GLT8D1: variants seen among roughly 807,000 people sequenced by gnomAD.
GLT8D1 encodes glycosyltransferase 8 domain-containing protein 1.
Under a neutral mutation model 46.2 loss-of-function variants are expected in GLT8D1, and 41 were observed. That is an observed-to-expected ratio of 0.89 (90% confidence interval 0.69 to 1.15). GLT8D1 has a LOEUF of 1.15. GLT8D1 is among the 50% of genes most tolerant of loss of function. The pLI is 0.00. For missense variants in GLT8D1, 408 were observed against 449.3 expected (o/e 0.91, Z 0.83); for synonymous variants, 150 against 154.2 (o/e 0.97, Z 0.20).
chr3:52,702,108 T>A (rs1315926479), intron 1 of GLT8D1, among the ~76,000 whole-genome samples: 1 of 152,142 alleles, frequency 6.6e-6, no homozygotes, highest in Non-Finnish European at 1.5e-5. Context: ...CAAGCAAGCC[T>A]CCTGCCTCAG....
intron 3 of GLT8D1, among the ~76,000 whole-genome samples, chr3:52,698,337 G>A (rs1264478804): frequency 6.6e-6 from 1 of 152,210 alleles, no homozygotes; most frequent in East Asian, 1.9e-4. Flanking sequence ...GAAACCAATT[G>A]AGTGAGTCAC....
intron 1 of GLT8D1, chr3:52,703,438 A>AG: frequency 6.6e-6 from 1 of 151,954 alleles, no homozygotes; most frequent in East Asian, 1.9e-4. Flanking sequence ...AAAAAAAAAA[A>AG]AAAAGAGAAG....
At chr3:52,695,808 C>T (rs2097332728) in intron 7 of GLT8D1, 120 bp downstream of exon 7, 1 of 679,884 alleles carries the variant, frequency 1.5e-6, no homozygotes, top group Admixed American at 2.8e-5. Context: ...GAAAAGCAGG[C>T]TTGAGTTTTG....
chr3:52,696,784 G>T (rs1445267784), intron 4 of GLT8D1, 125 bp from the exon 5 acceptor site: 1 of 630,472 alleles, frequency 1.6e-6, no homozygotes, highest in African/African-American at 1.8e-5. Flanking sequence ...CTGAGCTTTG[G>T]TTTCCTCGTC....
intron 4 of GLT8D1, 50 bp downstream of exon 4, chr3:52,697,671 G>T: frequency 1.6e-6 from 2 of 1,231,984 alleles, no homozygotes; most frequent in South Asian, 2.4e-5. Context: ...TTGGCAGCTG[G>T]CCTGCTCTAA....
chr3:52,700,267 A>G lies in GLT8D1; in HGVS notation c.110T>C (p.Val37Ala), dbSNP rs1302452575. 3.7e-6 allele frequency: 6 copies of G among 1,605,314 alleles called. No individual in the cohort carries two copies. Among genetic ancestry groups the G allele is most frequent in the Non-Finnish European group, 5.1e-6 (6 of 1,172,878 alleles). The change falls in exon 3 of 10, where the codon GTT (valine) becomes GCT (alanine). Residue 37 changes from valine (V) to alanine (A), a missense_variant. By Grantham distance (64) the Val-to-Ala change is moderately conservative (BLOSUM62 0). Transcript: ENST00000266014. ...ATTAATAAGTGCTCGCATACCTGTAACCTCATTCCTTAACAAACTGCTCAA... is the reference window on the plus strand; with the variant it reads ...ATTAATAAGTGCTCGCATACCTGTAGCCTCATTCCTTAACAAACTGCTCAA... ...LSLSSLLRNE[V>A]TDSGIVGPQP...
At position 52,696,080 on chromosome 3, in the gene GLT8D1, C is replaced by T; in HGVS notation, c.533-40G>A. 2.2e-6 allele frequency: 3 copies of T among 1,375,036 alleles called. No individual in the cohort carries two copies. In the South Asian group the frequency reaches 3.5e-5, roughly 16 times the overall value. 85.2% of individuals were successfully genotyped at this position (1,375,036 alleles called of 1,614,324 possible). A position where few individuals can be genotyped will look rare whatever the true frequency, so the allele number is the denominator to read the frequency against. Reference sequence around the variant, plus strand: ...ATGTTAAGATTTACATTTCCGTTGCCTTGAGAGTTCCCTGTTACTCCCACT... The same window carrying T: ...ATGTTAAGATTTACATTTCCGTTGCTTTGAGAGTTCCCTGTTACTCCCACT... On this transcript the variant is annotated intron_variant, in intron 6 of 9. Coordinates refer to ENST00000266014, the MANE Select transcript of GLT8D1 (RefSeq NM_018446.4).
At chr3:52,697,973 G>T in intron 3 of GLT8D1, 39 bp from the exon 4 acceptor site, 1 of 1,263,038 alleles carries the variant, frequency 7.9e-7, no homozygotes, top group Non-Finnish European at 1.2e-6. Flanking sequence ...ACAATCTCAT[G>T]GGCTTTTGAT....
At chr3:52,696,428 T>C (rs562133054) in intron 5 of GLT8D1, 110 bp from the exon 6 acceptor site, 3 of 1,020,878 alleles carry the variant, frequency 2.9e-6, no homozygotes, top group Admixed American at 3.5e-5. Context: ...AAAGGACTCT[T>C]AGAACCACCC....
chr3:52,696,194 T>A (rs770318494), intron 6 of GLT8D1, 40 bp downstream of exon 6: 1 of 1,356,898 alleles, frequency 7.4e-7, no homozygotes, highest in Non-Finnish European at 1.1e-6. Flanking sequence ...TTGTACCCAA[T>A]CTGGGTGGAG....
At chr3:52,700,222 G>T in intron 3 of GLT8D1, 40 bp downstream of exon 3, 1 of 1,254,464 alleles carries the variant, frequency 8.0e-7, no homozygotes, top group Non-Finnish European at 1.2e-6. Flanking sequence ...TACCAGGTCC[G>T]CAACAGATTC....
Position 52,695,171 on chromosome 3 carries a change from A to C in GLT8D1, c.925+19T>G. The C allele has an allele frequency of 1.9e-6, 3 of 1,554,534 alleles. No individual in the cohort carries two copies. Among genetic ancestry groups the C allele is most frequent in the Non-Finnish European group, 2.7e-6 (3 of 1,126,556 alleles). On this transcript the variant is annotated intron_variant, in intron 9 of 9. Coordinates refer to ENST00000266014, the MANE Select transcript of GLT8D1 (RefSeq NM_018446.4). Reference sequence around the variant, plus strand: ...TACCAATTCTTTACTAGCTTATGCCACTGGTTAATTCTACTTACCAAGGTG... The same window carrying C: ...TACCAATTCTTTACTAGCTTATGCCCCTGGTTAATTCTACTTACCAAGGTG...
At chr3:52,700,562 C>A in intron 1 of GLT8D1, 66 bp from the exon 2 acceptor site, 3 of 657,546 alleles carry the variant, frequency 4.6e-6, no homozygotes, top group Non-Finnish European at 2.6e-6. Flanking sequence ...AATGCCCTAA[C>A]ACTTTTTTTT....
chr3:52,699,370 C>T (rs915711975), intron 3 of GLT8D1, among the ~76,000 whole-genome samples: 2 of 152,020 alleles, frequency 1.3e-5, no homozygotes, highest in South Asian at 2.1e-4. Flanking sequence ...CTGCAACCTC[C>T]GCCTCCTGGG....
chr3:52,699,580 A>G (rs1466823744), intron 3 of GLT8D1, among the ~76,000 whole-genome samples: 2 of 152,040 alleles, frequency 1.3e-5, no homozygotes, highest in African/African-American at 4.8e-5. Flanking sequence ...ACCTTGTGAG[A>G]CGCCCACCTT....
At position 52,705,579 on chromosome 3, in the gene GLT8D1, G is replaced by A. The variant is rs1167990936; in HGVS notation, c.-169C>T. ...GCCGCCCTTACTGCAGGCGATGGAG[G>A]AGATGCGGATGCAGCCCGCGCCCCG... On this transcript the variant is annotated 5_prime_UTR_variant, in exon 1 of 10. Coordinates refer to ENST00000266014, the MANE Select transcript of GLT8D1 (RefSeq NM_018446.4). The A allele has an allele frequency of 6.2e-6, 1 of 160,078 alleles. No homozygotes were observed. Among genetic ancestry groups the A allele is most frequent in the African/African-American group, 2.4e-5 (1 of 41,846 alleles). The allele number at this position is 160,078 out of a possible 1,614,324, so 9.9% of individuals were successfully genotyped here.
At chr3:52,702,363 T>C (rs1159360003) in intron 1 of GLT8D1, among the ~76,000 whole-genome samples, 2 of 152,024 alleles carry the variant, frequency 1.3e-5, no homozygotes, top group African/African-American at 2.4e-5. Flanking sequence ...CTGGGTAACA[T>C]TGTGAAAGCT....
rs200366274 is a variant in GLT8D1 at position 52,695,461 on chromosome 3, T to C, written c.772A>G (p.Ile258Val). 11 of 1,614,040 alleles carry C rather than the reference T, an allele frequency of 6.8e-6. No homozygotes were observed. Among genetic ancestry groups the C allele is most frequent in the Middle Eastern group, 1.7e-4 (1 of 6,060 alleles). ...ANLTEWKRQN[I>V]TNQLEKWMKL... Reference sequence around the variant, plus strand: ...ATCCATTTTTCCAGTTGGTTAGTTATATTCTGTCGTTTCCATTCCGTCAGG... The same window carrying C: ...ATCCATTTTTCCAGTTGGTTAGTTACATTCTGTCGTTTCCATTCCGTCAGG... The change falls in exon 8 of 10, where the codon ATA becomes GTA. Residue 258 changes from isoleucine (I) to valine (V), a missense_variant. Transcript: ENST00000266014.
intron 1 of GLT8D1, among the ~76,000 whole-genome samples, chr3:52,702,582 A>G (rs1469573003): frequency 6.6e-6 from 1 of 151,844 alleles, no homozygotes; most frequent in Non-Finnish European, 1.5e-5. Context: ...AAAACTGTGG[A>G]TCAGCCAGGC....
Sources: gnomAD v4.1 joint callset for allele counts (sites outside exome capture counted in the v4.1 genomes callset) on GRCh38, gnomAD v4.1.1 for gene constraint, MANE v1.5 for transcripts, NCBI Gene and HGNC (gene_info 2026-07-23, HGNC 2026-07-21) for gene names.